The following OR51B5 variants were observed in gnomAD, a reference collection of about 807,000 sequenced individuals.
OR51B5 encodes the protein olfactory receptor 51B5.
For synonymous variants in OR51B5, 186 were observed against 144.8 expected (o/e 1.28, Z -2.04); for missense variants, 456 against 374.6 (o/e 1.22, Z -1.79).
At chr11:5,389,301 T>G in intron 1 of OR51B5, 2 of 1,161,652 alleles carry the variant, frequency 1.7e-6, no homozygotes, top group South Asian at 2.8e-5. Context: ...CTAAAGGTGA[T>G]GATGACCATG....
At chr11:5,486,777 T>C (rs1437306063) in intron 1 of OR51B5, among the ~76,000 whole-genome samples, 1 of 152,154 alleles carries the variant, frequency 6.6e-6, no homozygotes, top group Non-Finnish European at 1.5e-5. Context: ...TTGCTCTGTA[T>C]CTTTTGTCTC....
intron 1 of OR51B5, among the ~76,000 whole-genome samples, chr11:5,349,411 T>A (rs906770905): frequency 5.9e-5 from 9 of 152,050 alleles, no homozygotes; most frequent in Non-Finnish European, 8.8e-5. Context: ...CCTGTTTTTT[T>A]TTAATTTATC....
chr11:5,462,810 C>A (rs865918863), intron 1 of OR51B5, among the ~76,000 whole-genome samples: 3 of 152,188 alleles, frequency 2.0e-5, no homozygotes, highest in Non-Finnish European at 4.4e-5. Context: ...TGAACACAGG[C>A]AACCAGATGC....
chr11:5,385,096 C>A (rs1323466423), intron 1 of OR51B5, among the ~76,000 whole-genome samples: 1 of 152,172 alleles, frequency 6.6e-6, no homozygotes, highest in Non-Finnish European at 1.5e-5. Context: ...TACTGAAAAT[C>A]TCTTTTCAGG....
chr11:5,489,306 C>T, intron 1 of OR51B5: 1 of 1,610,082 alleles, frequency 6.2e-7, no homozygotes, highest in Middle Eastern at 1.7e-4. Flanking sequence ...TCAATATTGT[C>T]TATGGGCTAA....
chr11:5,381,623 G>C (rs1007736017), intron 1 of OR51B5, among the ~76,000 whole-genome samples: 7 of 152,176 alleles, frequency 4.6e-5, no homozygotes, highest in African/African-American at 1.7e-4. Context: ...TTCTTGATCA[G>C]AGTTTCTCAC....
At chr11:5,447,168 T>C (rs1850779203) in intron 1 of OR51B5, among the ~76,000 whole-genome samples, 1 of 152,236 alleles carries the variant, frequency 6.6e-6, no homozygotes, top group African/African-American at 2.4e-5. Flanking sequence ...TTCTGTTCTG[T>C]ACCAAGGCTA....
intron 1 of OR51B5, among the ~76,000 whole-genome samples, chr11:5,359,822 G>C (rs955001149): frequency 1.3e-5 from 2 of 151,772 alleles, no homozygotes; most frequent in East Asian, 1.9e-4. Flanking sequence ...CAGAACAGAG[G>C]CCTCAGAAAT....
intron 1 of OR51B5, among the ~76,000 whole-genome samples, chr11:5,488,100 G>A (rs575324858): frequency 1.1e-4 from 17 of 152,262 alleles, no homozygotes; most frequent in African/African-American, 3.9e-4. Context: ...CTTTATTGAA[G>A]TTGTCAAAAT....
chr11:5,503,386 A>G (rs1006203009), intron 1 of OR51B5, among the ~76,000 whole-genome samples: 6 of 152,138 alleles, frequency 3.9e-5, no homozygotes, highest in Non-Finnish European at 8.8e-5. Context: ...AATAAACCCA[A>G]ATGCGTAAAG....
chr11:5,442,807 T>C (rs533847124), intron 1 of OR51B5, among the ~76,000 whole-genome samples: 20 of 152,136 alleles, frequency 1.3e-4, no homozygotes, highest in Non-Finnish European at 2.2e-4. Flanking sequence ...TTCTCTATGG[T>C]CACCTAGTGA....
intron 1 of OR51B5, among the ~76,000 whole-genome samples, chr11:5,426,986 G>A (rs944929832): frequency 6.7e-6 from 1 of 148,738 alleles, no homozygotes; most frequent in Non-Finnish European, 1.5e-5. Flanking sequence ...TCTGCACGAT[G>A]AGACAACATT....
chr11:5,401,799 C>T (rs1849970597), intron 1 of OR51B5, among the ~76,000 whole-genome samples: 2 of 123,394 alleles, frequency 1.6e-5, no homozygotes, highest in South Asian at 3.0e-4. Context: ...ACCTTAAATG[C>T]ATAATCTTTC....
intron 1 of OR51B5, among the ~76,000 whole-genome samples, chr11:5,400,160 C>A (rs1355515404): frequency 6.6e-6 from 1 of 152,146 alleles, no homozygotes; most frequent in African/African-American, 2.4e-5. Flanking sequence ...CCCTGAATTT[C>A]CCTGCCCTAC....
intron 1 of OR51B5, chr11:5,351,769 A>C: frequency 6.2e-7 from 1 of 1,614,058 alleles, no homozygotes; most frequent in Non-Finnish European, 8.5e-7. Flanking sequence ...GTTAGATCAC[A>C]GGGAGATTGG....
chr11:5,478,634 A>G (rs950828667), intron 1 of OR51B5, among the ~76,000 whole-genome samples: 2 of 150,408 alleles, frequency 1.3e-5, no homozygotes, highest in Non-Finnish European at 3.0e-5. Flanking sequence ...AAGAATGTAT[A>G]ACTAGAATAA....
At position 5,480,295 on chromosome 11, in the gene OR51B5, T is replaced by A. The variant is rs200804171; in HGVS notation, n.84+25274A>T. ...CGAAATGAAGGCAGAAATAAAGATG[T>A]TCTTTGAAACCAACGAGAACAAAGA... On this transcript the variant is annotated intron_variant and non_coding_transcript_variant, in intron 1 of 4. Transcript: ENST00000415970. Among the ~76,000 whole-genome samples, 7 of 150,374 alleles carry A rather than the reference T, an allele frequency of 4.7e-5. No homozygotes were observed. The South Asian group carries it at 1.5e-3, about 32-fold the overall frequency.
rs1403471933 is a variant in OR51B5 at position 5,366,263 on chromosome 11, G to A, written n.85-19353C>T. 3.3e-5 allele frequency among the ~76,000 whole-genome samples: 5 copies of A among 152,096 alleles called. No individual in the cohort carries two copies. In the East Asian group the frequency reaches 9.6e-4, roughly 29 times the overall value. ...CAAAGGAGAAAGGGCCAGAGAAACA[G>A]AAGGAAGAATCTGAAAAGGAGCTCA... On this transcript the variant is annotated intron_variant and non_coding_transcript_variant, in intron 1 of 4. Coordinates refer to the OR51B5 transcript ENST00000415970.
At chr11:5,401,561 A>G (rs559064392) in intron 1 of OR51B5, among the ~76,000 whole-genome samples, 99 of 152,306 alleles carry the variant, frequency 6.5e-4, no homozygotes, top group Non-Finnish European at 1.1e-3. Context: ...TATTCATACA[A>G]TTATATTCAT....
Sources: gnomAD v4.1 joint callset for allele counts (sites outside exome capture counted in the v4.1 genomes callset) on GRCh38, gnomAD v4.1.1 for gene constraint, MANE v1.5 for transcripts, NCBI Gene and HGNC (gene_info 2026-07-23, HGNC 2026-07-21) for gene names.